Variants in DPP6 observed in about 807,000 individuals in gnomAD.
DPP6 encodes dipeptidyl peptidase like 6.
A neutral mutation model predicts 122.6 loss-of-function variants in DPP6; 69 were observed. That is an observed-to-expected ratio of 0.56 (90% CI 0.46 to 0.69). The LOEUF (loss-of-function observed/expected upper bound fraction) is 0.69. Ranked by LOEUF, DPP6 falls within the 30% of genes least tolerant of loss-of-function variation. The probability of loss-of-function intolerance (pLI) is 0.00; values close to 1 mark genes in which losing one functional copy is unlikely to be tolerated. For synonymous variants in DPP6, 418 were observed against 433.1 expected, an observed-to-expected ratio of 0.97 and a Z score of 0.43; for missense variants, 928 against 1,116.9, an observed-to-expected ratio of 0.83 and a Z score of 2.41.
intron 12 of DPP6, among the ~76,000 whole-genome samples, chr7:154,800,266 CAT>C (rs747103991): frequency 1.6e-4 from 25 of 152,144 alleles, no homozygotes; most frequent in Non-Finnish European, 3.1e-4. Flanking sequence ...ATTTTAATCA[CAT>C]GTTAGTTTAT....
chr7:154,405,616 C>T (rs1816020668), intron 1 of DPP6, among the ~76,000 whole-genome samples: 1 of 151,590 alleles, frequency 6.6e-6, no homozygotes, highest in Admixed American at 6.6e-5. Flanking sequence ...GCTCAGCTCC[C>T]CAGTGCAGTG....
At chr7:154,305,021 C>CCAGCCG (rs1806174348) in intron 1 of DPP6, 1 of 5,852 alleles carries the variant, frequency 1.7e-4, no homozygotes, top group Non-Finnish European at 3.8e-4. Context: ...GGCCCCCTCC[C>CCAGCCG]CAGCCCCAGC....
chr7:154,276,734 A>G (rs1224919312), intron 1 of DPP6, among the ~76,000 whole-genome samples: 6 of 152,228 alleles, frequency 3.9e-5, no homozygotes, highest in South Asian at 2.1e-4. Flanking sequence ...TGTTGCTCCT[A>G]GTGGAAATGT....
At chr7:154,753,891 G>A (rs1432651237) in intron 8 of DPP6, among the ~76,000 whole-genome samples, 2 of 152,198 alleles carry the variant, frequency 1.3e-5, no homozygotes, top group Non-Finnish European at 2.9e-5. Flanking sequence ...GAGGCCCTGA[G>A]CTGCTTCCTG....
chr7:154,670,398 C>T (rs892450024), intron 7 of DPP6, among the ~76,000 whole-genome samples: 1 of 152,244 alleles, frequency 6.6e-6, no homozygotes, highest in African/African-American at 2.4e-5. Flanking sequence ...GTTCTCACTG[C>T]CGAGCTGGCC....
the DPP6 span, among the ~76,000 whole-genome samples, chr7:153,840,055 TAGAC>T: frequency 9.2e-5 from 14 of 152,198 alleles, no homozygotes; most frequent in Non-Finnish European, 1.3e-4. Flanking sequence ...TTATGAGAGA[TAGAC>T]AGTTTTATTG....
the DPP6 span, among the ~76,000 whole-genome samples, chr7:153,832,201 A>G: frequency 1.3e-5 from 2 of 152,234 alleles, no homozygotes; most frequent in African/African-American, 4.8e-5. Context: ...AATAAAAACT[A>G]GCCTACTTTA....
At chr7:154,412,708 G>A (rs1206444160) in intron 1 of DPP6, among the ~76,000 whole-genome samples, 1 of 151,814 alleles carries the variant, frequency 6.6e-6, no homozygotes. Flanking sequence ...TTGAAGTTTT[G>A]CATTGTTATA....
chr7:154,364,058 C>T (rs1026560271), intron 1 of DPP6, among the ~76,000 whole-genome samples: 7 of 152,108 alleles, frequency 4.6e-5, no homozygotes, highest in South Asian at 2.1e-4. Context: ...CTTGTGCTTC[C>T]GTGCCCTGGT....
At chr7:153,801,759 A>C in the DPP6 span, among the ~76,000 whole-genome samples, 3 of 152,338 alleles carry the variant, frequency 2.0e-5, no homozygotes, top group African/African-American at 7.2e-5. Flanking sequence ...CCAAGAAAGT[A>C]CATAAACAAA....
At chr7:154,042,512 A>G (rs991227607) in intron 1 of DPP6, among the ~76,000 whole-genome samples, 1 of 152,224 alleles carries the variant, frequency 6.6e-6, no homozygotes, top group Non-Finnish European at 1.5e-5. Context: ...TCGGTGCAGT[A>G]CAAACGTAGG....
At chr7:154,767,779 C>G (rs918522762) in intron 8 of DPP6, among the ~76,000 whole-genome samples, 1 of 152,056 alleles carries the variant, frequency 6.6e-6, no homozygotes, top group African/African-American at 2.4e-5. Flanking sequence ...CTCCATACTC[C>G]GGGATGCACC....
intron 6 of DPP6, among the ~76,000 whole-genome samples, chr7:154,644,255 A>G (rs1478374327): frequency 6.6e-6 from 1 of 152,238 alleles, no homozygotes; most frequent in African/African-American, 2.4e-5. Context: ...ATTAGCAGCC[A>G]GGTTGGAATG....
chr7:154,101,935 CAAAAAA>C (rs915468915), intron 1 of DPP6, among the ~76,000 whole-genome samples: 6 of 40,828 alleles, frequency 1.5e-4, no homozygotes, highest in Non-Finnish European at 2.5e-4. Context: ...TACTCCATCT[CAAAAAA>C]AAAAAAAAAA....
At chr7:154,082,030 G>A (rs1804050842) in intron 1 of DPP6, among the ~76,000 whole-genome samples, 1 of 152,158 alleles carries the variant, frequency 6.6e-6, no homozygotes, top group Non-Finnish European at 1.5e-5. Context: ...GCCTTGGACT[G>A]TGTGGTCTGC....
At chr7:153,785,371 AG>A in the DPP6 span, among the ~76,000 whole-genome samples, 2 of 152,192 alleles carry the variant, frequency 1.3e-5, no homozygotes, top group African/African-American at 4.8e-5. Flanking sequence ...TGTCCAGAAC[AG>A]GGTCTGGCAC....
intron 1 of DPP6, among the ~76,000 whole-genome samples, chr7:154,348,459 G>A (rs1810577650): frequency 2.0e-5 from 3 of 151,924 alleles, no homozygotes; most frequent in East Asian, 3.9e-4. Flanking sequence ...TTTTATTCTC[G>A]CCCAACATCC....
chr7:154,443,827 C>T (rs1343985586), intron 1 of DPP6, among the ~76,000 whole-genome samples: 3 of 152,214 alleles, frequency 2.0e-5, no homozygotes, highest in Non-Finnish European at 4.4e-5. Flanking sequence ...CCAAAGTATG[C>T]ATGTGGTAAC....
chr7:154,003,791 T>A (rs1797787683), intron 1 of DPP6, among the ~76,000 whole-genome samples: 1 of 152,164 alleles, frequency 6.6e-6, no homozygotes, highest in Non-Finnish European at 1.5e-5. Flanking sequence ...CTCCTGGGAC[T>A]GGGAGGCATG....
Sources: allele counts gnomAD v4.1 joint callset (sites outside exome capture counted in the v4.1 genomes callset), GRCh38; gene constraint gnomAD v4.1.1; transcripts MANE v1.5; gene names NCBI Gene and HGNC (gene_info 2026-07-23, HGNC 2026-07-21).